The following CCSER1 variants were observed in gnomAD, a reference collection of about 807,000 sequenced individuals.
The protein encoded by CCSER1 is serine-rich coiled-coil domain-containing protein 1.
CCSER1 carries 41 observed loss-of-function variants against 82.0 expected under a neutral mutation model. The ratio of observed to expected loss-of-function variants is 0.50; its 90% CI spans 0.39 to 0.65. The LOEUF (loss-of-function observed/expected upper bound fraction) is 0.65. Ranked by LOEUF, CCSER1 falls within the 30% of genes least tolerant of loss-of-function variation. The probability of loss-of-function intolerance (pLI) is 0.00; values close to 1 mark genes in which losing one functional copy is unlikely to be tolerated. For synonymous variants in CCSER1, 414 were observed against 383.9 expected (o/e 1.08, Z -0.92); for missense variants, 1,119 against 1,064.2 (o/e 1.05, Z -0.72).
At chr4:91,052,023 A>G (rs1743050251) in intron 9 of CCSER1, among the ~76,000 whole-genome samples, 1 of 152,088 alleles carries the variant, frequency 6.6e-6, no homozygotes, top group Non-Finnish European at 1.5e-5. Flanking sequence ...TTTATCTAAA[A>G]TATTTTTTAA....
intron 10 of CCSER1, among the ~76,000 whole-genome samples, chr4:91,349,451 G>A (rs1748316310): frequency 6.6e-6 from 1 of 152,112 alleles, no homozygotes; most frequent in African/African-American, 2.4e-5. Flanking sequence ...AAAGGCAAAT[G>A]GTCTAAAGTC....
At chr4:90,780,615 G>T in intron 7 of CCSER1, 4 of 1,435,442 alleles carry the variant, frequency 2.8e-6, no homozygotes, top group Non-Finnish European at 3.6e-6. Flanking sequence ...GCAAAGGACA[G>T]TAGGCTTTTC....
chr4:91,159,249 G>T lies in CCSER1; in HGVS notation c.2217+73255G>T, dbSNP rs373389285. 4.0e-5 allele frequency among the ~76,000 whole-genome samples: 6 copies of T among 151,690 alleles called. 1 individual carries two copies. The highest frequency in any genetic ancestry group is 1.2e-4 in the African/African-American group (5 of 41,304). On this transcript the variant is annotated intron_variant, in intron 10 of 10. Coordinates refer to ENST00000509176, the MANE Select transcript of CCSER1 (RefSeq NM_001145065.2). ...TTAGAATGAGTCCTCTTATAACTCC[G>T]TCTGTCAAAATCTCAACCATTGTTA...
At chr4:90,818,931 T>C (rs1561193012) in intron 8 of CCSER1, among the ~76,000 whole-genome samples, 1 of 152,202 alleles carries the variant, frequency 6.6e-6, no homozygotes, top group Non-Finnish European at 1.5e-5. Context: ...GGCTATTAAA[T>C]ATGTAACTGT....
intron 5 of CCSER1, among the ~76,000 whole-genome samples, chr4:90,471,633 C>T (rs1399360730): frequency 6.6e-6 from 1 of 151,302 alleles, no homozygotes; most frequent in East Asian, 1.9e-4. Flanking sequence ...TTACTAATGC[C>T]CTTATGATAT....
In CCSER1 at chr4:90,247,959, A is replaced by G. The variant is rs1721739301; in HGVS notation, c.-41-60285A>G. On this transcript the variant is annotated intron_variant, in intron 1 of 10. Transcript: ENST00000509176. Reference sequence around the variant, plus strand: ...CCATAAATTTTCCAGTATTGCCAATATATCTTTTTTGGGTCAAAAAATACG... The same window carrying G: ...CCATAAATTTTCCAGTATTGCCAATGTATCTTTTTTGGGTCAAAAAATACG... Among the ~76,000 whole-genome samples the G allele has an allele frequency of 3.9e-5, 6 of 152,124 alleles. No homozygotes were observed. In the South Asian group the frequency reaches 6.2e-4, roughly 16 times the overall value.
At chr4:91,372,112 T>C (rs879285501) in intron 10 of CCSER1, among the ~76,000 whole-genome samples, 48 of 152,354 alleles carry the variant, frequency 3.2e-4, no homozygotes, top group Non-Finnish European at 5.9e-4. Context: ...TGTGTATTTG[T>C]ATGGCTTTTG....
intron 3 of CCSER1, among the ~76,000 whole-genome samples, chr4:90,397,483 C>A (rs539753353): frequency 6.6e-6 from 1 of 152,294 alleles, no homozygotes; most frequent in Admixed American, 6.5e-5. Flanking sequence ...TCATGTATGC[C>A]TCTGGATCTC....
At chr4:90,312,281 A>C (rs1366090414) in intron 2 of CCSER1, among the ~76,000 whole-genome samples, 1 of 152,108 alleles carries the variant, frequency 6.6e-6, no homozygotes, top group Non-Finnish European at 1.5e-5. Context: ...GAGATTGCAG[A>C]GGTGAGCAGG....
chr4:90,221,804 C>T (rs1458950805), intron 1 of CCSER1, among the ~76,000 whole-genome samples: 3 of 152,048 alleles, frequency 2.0e-5, no homozygotes, highest in Admixed American at 6.6e-5. Flanking sequence ...TGGTACAGGA[C>T]AAAAACTAAG....
chr4:91,121,037 A>G (rs984567337), intron 10 of CCSER1, among the ~76,000 whole-genome samples: 3 of 151,918 alleles, frequency 2.0e-5, no homozygotes, highest in Admixed American at 2.0e-4. Context: ...TGTTTAATAA[A>G]AAACATTTTG....
chr4:91,576,193 A>T (rs1368443197), intron 10 of CCSER1, among the ~76,000 whole-genome samples: 1 of 152,016 alleles, frequency 6.6e-6, no homozygotes, highest in Non-Finnish European at 1.5e-5. Context: ...GTCTAAATCA[A>T]TATCTATATA....
intron 10 of CCSER1, among the ~76,000 whole-genome samples, chr4:91,191,692 A>G (rs1163483666): frequency 5.9e-5 from 9 of 152,308 alleles, no homozygotes; most frequent in East Asian, 1.9e-4. Context: ...CAATAGTAAT[A>G]ACAGTGCTAT....
chr4:91,370,183 TATAAA>T (rs1477336517), intron 10 of CCSER1, among the ~76,000 whole-genome samples: 1 of 152,134 alleles, frequency 6.6e-6, no homozygotes, highest in African/African-American at 2.4e-5. Flanking sequence ...AGTCTACACT[TATAAA>T]GAAAGACTGG....
chr4:90,411,756 T>TG (rs1754872531), intron 4 of CCSER1, among the ~76,000 whole-genome samples: 1 of 152,192 alleles, frequency 6.6e-6, no homozygotes, highest in African/African-American at 2.4e-5. Flanking sequence ...AACATAGTGT[T>TG]GGCAGTTCTG....
intron 3 of CCSER1, among the ~76,000 whole-genome samples, chr4:90,371,317 A>G (rs1343167408): frequency 6.6e-6 from 1 of 152,110 alleles, no homozygotes; most frequent in Non-Finnish European, 1.5e-5. Context: ...ATTCTTCAGG[A>G]AGTAATTCTT....
intron 3 of CCSER1, among the ~76,000 whole-genome samples, chr4:90,374,417 G>T (rs78791666): frequency 2.6e-5 from 4 of 152,126 alleles, no homozygotes; most frequent in Non-Finnish European, 4.4e-5. Flanking sequence ...TGGGAGGGGG[G>T]ATTTCCTTGA....
intron 6 of CCSER1, among the ~76,000 whole-genome samples, chr4:90,700,612 A>C (rs577527163): frequency 5.2e-4 from 79 of 152,306 alleles, no homozygotes; most frequent in African/African-American, 1.4e-3. Context: ...CCAACAGTGT[A>C]AAAGTGTTCC....
chr4:91,590,592 T>C (rs948513086), intron 10 of CCSER1, among the ~76,000 whole-genome samples: 4 of 152,132 alleles, frequency 2.6e-5, no homozygotes, highest in Admixed American at 6.6e-5. Context: ...GAGTCTACAT[T>C]GGCCCTTTAA....
Sources: allele counts gnomAD v4.1 joint callset (sites outside exome capture counted in the v4.1 genomes callset), GRCh38; gene constraint gnomAD v4.1.1; transcripts MANE v1.5; gene names NCBI Gene and HGNC (gene_info 2026-07-23, HGNC 2026-07-21).